SNTG1: variants seen among roughly 807,000 people sequenced by gnomAD.
SNTG1 encodes the protein syntrophin gamma 1, also known as gamma-1-syntrophin.
Under a neutral mutation model 74.7 loss-of-function variants are expected in SNTG1, and 39 were observed. That is an observed-to-expected ratio of 0.52 (90% CI 0.40 to 0.68). The LOEUF (loss-of-function observed/expected upper bound fraction) is 0.68, where lower values mean the gene tolerates loss of function less well. Ranked by LOEUF, SNTG1 falls within the 30% of genes least tolerant of loss-of-function variation. SNTG1 has a pLI of 0.00. For synonymous variants in SNTG1, 254 were observed against 217.1 expected, an observed-to-expected ratio of 1.17 and a Z score of -1.49; for missense variants, 685 against 609.5, an observed-to-expected ratio of 1.12 and a Z score of -1.30.
chr8:50,165,465 TAG>T (rs1249177651), intron 1 of SNTG1, among the ~76,000 whole-genome samples: 2 of 152,234 alleles, frequency 1.3e-5, no homozygotes, highest in Non-Finnish European at 2.9e-5. Context: ...ATGTTTGCTG[TAG>T]AGTTTGTTCA....
rs1439978142 is a variant in SNTG1 at position 50,135,895 on chromosome 8, C to T, written c.-102-36666C>T. Among the ~76,000 whole-genome samples the T allele has an allele frequency of 1.3e-5, 2 of 152,032 alleles. 1 individual carries two copies. The highest frequency in any genetic ancestry group is 4.1e-4 in the South Asian group (2 of 4,822). ...TGATAGATAGTTTTTTGATCCTCAC[C>T]CTCCTTCCAACCTCCTCCCTCAAGT... On this transcript the variant is annotated intron_variant, in intron 1 of 18. Transcript: ENST00000642720.
At chr8:50,310,566 T>TA (rs1430104840) in intron 2 of SNTG1, among the ~76,000 whole-genome samples, 1 of 152,102 alleles carries the variant, frequency 6.6e-6, no homozygotes, top group Non-Finnish European at 1.5e-5. Flanking sequence ...CGCATGCCTG[T>TA]AATCCCAGCC....
chr8:50,670,774 G>A (rs1230089514), intron 15 of SNTG1, among the ~76,000 whole-genome samples: 48 of 149,146 alleles, frequency 3.2e-4, no homozygotes, highest in East Asian at 1.4e-3. Context: ...GAGGCATCAC[G>A]CTACCTGACT....
At chr8:50,648,582 C>G (rs2095125037) in intron 13 of SNTG1, among the ~76,000 whole-genome samples, 2 of 152,116 alleles carry the variant, frequency 1.3e-5, no homozygotes, top group East Asian at 1.9e-4. Context: ...TGTTAGAATA[C>G]TTTTTTCCTA....
intron 15 of SNTG1, among the ~76,000 whole-genome samples, chr8:50,671,633 T>C (rs1446792200): frequency 6.6e-6 from 1 of 152,120 alleles, no homozygotes; most frequent in Non-Finnish European, 1.5e-5. Flanking sequence ...GAAGTTAGTG[T>C]GGTGATTCCT....
chr8:50,515,906 G>A (rs193113828), intron 9 of SNTG1, among the ~76,000 whole-genome samples: 34 of 152,032 alleles, frequency 2.2e-4, no homozygotes, highest in African/African-American at 5.8e-4. Flanking sequence ...CCTGCCTGCC[G>A]GCTCTGAATG....
intron 11 of SNTG1, among the ~76,000 whole-genome samples, chr8:50,542,024 A>G (rs1259553133): frequency 1.1e-5 from 1 of 90,630 alleles, no homozygotes; most frequent in Non-Finnish European, 2.0e-5. Context: ...TGGATGAATA[A>G]TATTTTATTG....
At chr8:50,599,773 C>A (rs558207418) in intron 13 of SNTG1, among the ~76,000 whole-genome samples, 1 of 152,056 alleles carries the variant, frequency 6.6e-6, no homozygotes, top group Non-Finnish European at 1.5e-5. Flanking sequence ...TTGACTTCTT[C>A]TTTTCCAATT....
chr8:50,240,469 ACG>A (rs2129646931), intron 2 of SNTG1, among the ~76,000 whole-genome samples: 1 of 152,356 alleles, frequency 6.6e-6, no homozygotes, highest in South Asian at 2.1e-4. Flanking sequence ...TTTAAATTTT[ACG>A]AACCATCATG....
At chr8:50,362,804 G>T (rs1458811358) in intron 2 of SNTG1, among the ~76,000 whole-genome samples, 1 of 151,816 alleles carries the variant, frequency 6.6e-6, no homozygotes, top group Non-Finnish European at 1.5e-5. Flanking sequence ...CTTTACTCTG[G>T]GTGTTAAATA....
chr8:50,303,492 C>G (rs948015027), intron 2 of SNTG1, among the ~76,000 whole-genome samples: 3 of 151,568 alleles, frequency 2.0e-5, no homozygotes, highest in East Asian at 3.9e-4. Context: ...ATGATTAGGC[C>G]TCAAATTATT....
intron 2 of SNTG1, among the ~76,000 whole-genome samples, chr8:50,306,591 T>C (rs2089907762): frequency 6.6e-6 from 1 of 152,148 alleles, no homozygotes; most frequent in South Asian, 2.1e-4. Context: ...TTAGCCATTC[T>C]GGTACGAGTA....
intron 1 of SNTG1, among the ~76,000 whole-genome samples, chr8:50,125,195 T>A (rs1409186763): frequency 7.0e-6 from 1 of 142,212 alleles, no homozygotes; most frequent in Non-Finnish European, 1.6e-5. Context: ...ATATGCATTT[T>A]TAACATCAGG....
intron 1 of SNTG1, among the ~76,000 whole-genome samples, chr8:50,160,439 A>AGAG (rs2082380231): frequency 6.6e-6 from 1 of 152,142 alleles, no homozygotes; most frequent in African/African-American, 2.4e-5. Context: ...AAAACCTCTC[A>AGAG]GTTTTCTTAA....
intron 1 of SNTG1, among the ~76,000 whole-genome samples, chr8:49,976,706 T>TAGGA (rs1812224569): frequency 6.6e-6 from 1 of 152,040 alleles, no homozygotes; most frequent in Non-Finnish European, 1.5e-5. Flanking sequence ...GGCGCCCAGG[T>TAGGA]AGGAGTGAGC....
At chr8:50,022,177 G>T (rs1344065627) in intron 1 of SNTG1, among the ~76,000 whole-genome samples, 1 of 152,054 alleles carries the variant, frequency 6.6e-6, no homozygotes. Context: ...AGAATGAATG[G>T]GATTCAGAAA....
chr8:50,496,368 G>T (rs1463855712), intron 8 of SNTG1, among the ~76,000 whole-genome samples: 1 of 152,132 alleles, frequency 6.6e-6, no homozygotes, highest in Non-Finnish European at 1.5e-5. Context: ...AGGTGTGTGC[G>T]TGTTTCCTGA....
chr8:50,623,636 A>G (rs1354736363), intron 13 of SNTG1, among the ~76,000 whole-genome samples: 4 of 152,096 alleles, frequency 2.6e-5, no homozygotes, highest in Admixed American at 1.3e-4. Flanking sequence ...AACATAAAAT[A>G]TATCATGACT....
chr8:50,574,067 CAACCCATTTATGCCT>C (rs1346566724), intron 12 of SNTG1, among the ~76,000 whole-genome samples: 1 of 151,988 alleles, frequency 6.6e-6, no homozygotes, highest in African/African-American at 2.4e-5. Flanking sequence ...TGTAACATCT[CAACCCATTTATGCCT>C]AGGGTTCCAT....
Sources: gnomAD v4.1 joint callset for allele counts (sites outside exome capture counted in the v4.1 genomes callset) on GRCh38, gnomAD v4.1.1 for gene constraint, MANE v1.5 for transcripts, NCBI Gene and HGNC (gene_info 2026-07-23, HGNC 2026-07-21) for gene names.